RSPO3: variants seen among roughly 807,000 people sequenced by gnomAD.
The protein encoded by RSPO3 is R-spondin-3.
A neutral mutation model predicts 36.5 loss-of-function variants in RSPO3; 17 were observed. The observed-to-expected ratio is 0.47, with a 90% confidence interval of 0.32 to 0.70. The LOEUF (loss-of-function observed/expected upper bound fraction) is 0.70, where lower values mean the gene tolerates loss of function less well. Among genes scored for constraint, RSPO3 ranks in the 30% least tolerant of loss-of-function variants. The pLI is 0.04. For synonymous variants in RSPO3, 108 were observed against 107.0 expected, an observed-to-expected ratio of 1.01 and a Z score of -0.06; for missense variants, 294 against 322.5, an observed-to-expected ratio of 0.91 and a Z score of 0.68.
At chr6:127,133,614 G>A (rs905828552) in intron 1 of RSPO3, among the ~76,000 whole-genome samples, 2 of 151,864 alleles carry the variant, frequency 1.3e-5, no homozygotes, top group Non-Finnish European at 2.9e-5. Context: ...ACCTTAGATA[G>A]TTGCCCGTCC....
rs139068318 is a variant in RSPO3, at chr6:127,155,869, G to C, written c.634+431G>C. On this transcript the variant is annotated intron_variant, in intron 4 of 4. Coordinates refer to ENST00000356698, the MANE Select transcript of RSPO3 (RefSeq NM_032784.5). Reference sequence around the variant, plus strand: ...TGAAATGTAGTGGTAAGCTTTTGTAGCTAAGTGTATATATATATATATACA... The same window carrying C: ...TGAAATGTAGTGGTAAGCTTTTGTACCTAAGTGTATATATATATATATACA... Among the ~76,000 whole-genome samples the C allele has an allele frequency of 5.9e-3, 773 of 131,764 alleles. 8 individuals carry two copies. Among genetic ancestry groups the C allele is most frequent in the African/African-American group, 0.022 (720 of 32,230 alleles). 86.4% of individuals were successfully genotyped at this position (131,764 alleles called of 152,430 possible). A position where few individuals can be genotyped will look rare whatever the true frequency, so the allele number is the denominator to read the frequency against.
chr6:127,155,129 A>G lies in RSPO3; in HGVS notation c.437-112A>G, dbSNP rs1774566726. ...GTCATCTTGCCCGACTTTGATCTGC[A>G]AGATTCTTCTCAAATGTGGGCAAGT... is the stretch of plus-strand genomic sequence containing the variant. On this transcript the variant is annotated intron_variant, in intron 3 of 4. Coordinates refer to ENST00000356698, the MANE Select transcript of RSPO3 (RefSeq NM_032784.5). 3 of 1,006,876 alleles carry G rather than the reference A, an allele frequency of 3.0e-6. No individual in the cohort carries two copies. In the Admixed American group the frequency reaches 5.8e-5, roughly 19 times the overall value. The allele number at this position is 1,006,876 out of a possible 1,614,324, so 62.4% of individuals were successfully genotyped here.
At chr6:127,131,121 T>C (rs902955573) in intron 1 of RSPO3, among the ~76,000 whole-genome samples, 1 of 152,172 alleles carries the variant, frequency 6.6e-6, no homozygotes, top group African/African-American at 2.4e-5. Context: ...TGGGATTTCC[T>C]TGGAGGCCAG....
chr6:127,146,432 C>T (rs1204275696), intron 1 of RSPO3, among the ~76,000 whole-genome samples: 1 of 152,102 alleles, frequency 6.6e-6, no homozygotes, highest in African/African-American at 2.4e-5. Flanking sequence ...GATACAGTTA[C>T]AATCATGAGA....
At chr6:127,155,743 G>A (rs1357282581) in intron 4 of RSPO3, among the ~76,000 whole-genome samples, 1 of 151,864 alleles carries the variant, frequency 6.6e-6, no homozygotes, top group Non-Finnish European at 1.5e-5. Context: ...AAAACTTTTG[G>A]GAAGTCTCAT....
At chr6:127,146,155 A>G (rs1014302329) in intron 1 of RSPO3, among the ~76,000 whole-genome samples, 3 of 152,178 alleles carry the variant, frequency 2.0e-5, no homozygotes, top group Admixed American at 6.5e-5. Flanking sequence ...AAGGTTTGCC[A>G]TCATTTGATA....
At chr6:127,166,344 C>T (rs556136096) in intron 4 of RSPO3, among the ~76,000 whole-genome samples, 24 of 152,032 alleles carry the variant, frequency 1.6e-4, no homozygotes, top group African/African-American at 5.8e-4. Context: ...TAACAAAAAT[C>T]TCTATCATGT....
intron 1 of RSPO3, among the ~76,000 whole-genome samples, chr6:127,126,045 A>C (rs1358204804): frequency 2.0e-5 from 3 of 152,180 alleles, no homozygotes; most frequent in African/African-American, 7.2e-5. Context: ...TGCATATGAA[A>C]GGGAAAGAGA....
chr6:127,148,080 T>C (rs1009788717), intron 1 of RSPO3, among the ~76,000 whole-genome samples: 4 of 152,128 alleles, frequency 2.6e-5, no homozygotes, highest in African/African-American at 7.2e-5. Flanking sequence ...AAAAGTAAAA[T>C]TGTGTTCTCT....
intron 1 of RSPO3, among the ~76,000 whole-genome samples, chr6:127,139,369 A>C (rs2114563925): frequency 6.6e-6 from 1 of 152,264 alleles, no homozygotes; most frequent in South Asian, 2.1e-4. Flanking sequence ...CAAATATCCA[A>C]GTTTATTCAC....
intron 4 of RSPO3, among the ~76,000 whole-genome samples, chr6:127,157,645 G>C (rs897643068): frequency 6.6e-6 from 1 of 152,066 alleles, no homozygotes; most frequent in African/African-American, 2.4e-5. Context: ...GAAAATGTAG[G>C]TGTTTTATTT....
In RSPO3 at chr6:127,148,964, C is replaced by T. The variant is rs1296005349; in HGVS notation, c.289+125C>T. On this transcript the variant is annotated intron_variant, in intron 2 of 4. Transcript: ENST00000356698. ...TGATAATGTTTATCTGATAATTAGG[C>T]TAAACCATACTTGGACTTAACCCTC... The T allele has an allele frequency of 5.2e-6, 4 of 769,220 alleles. No individual in the cohort carries two copies. In the East Asian group the frequency reaches 8.3e-5, roughly 16 times the overall value. The allele number at this position is 769,220 out of a possible 1,614,324, so 47.6% of individuals were successfully genotyped here.
In RSPO3 at chr6:127,148,666, A is replaced by G; in HGVS notation, c.116A>G (p.Gln39Arg). ...TCCACAGTGCATCCTAACGTTAGTC[A>G]AGGCTGCCAAGGAGGCTGTGCAACA... ...RQRRMHPNVS[Q>R]GCQGGCATCS... is the part of the protein sequence containing the mutation. The change falls in exon 2 of 5, where the codon CAA becomes CGA. Residue 39 changes from glutamine to arginine, a missense_variant. Transcript: ENST00000356698. 6.2e-7 allele frequency: 1 copy of G among 1,612,328 alleles called. No individual in the cohort carries two copies. Among genetic ancestry groups the G allele is most frequent in the Non-Finnish European group, 8.5e-7 (1 of 1,178,930 alleles).
chr6:127,168,382 G>A (rs1402909753), intron 4 of RSPO3, among the ~76,000 whole-genome samples: 1 of 134,866 alleles, frequency 7.4e-6, no homozygotes, highest in Non-Finnish European at 1.7e-5. Flanking sequence ...TCATGTGTCT[G>A]TTGGCGCATA....
chr6:127,132,298 T>G (rs1562240784), intron 1 of RSPO3, among the ~76,000 whole-genome samples: 1 of 152,144 alleles, frequency 6.6e-6, no homozygotes, highest in Non-Finnish European at 1.5e-5. Context: ...GATGCAAAGA[T>G]TCTGATACTG....
intron 4 of RSPO3, among the ~76,000 whole-genome samples, chr6:127,170,561 ATAGTTT>A (rs1774915627): frequency 6.6e-6 from 1 of 151,766 alleles, no homozygotes. Flanking sequence ...TCTCAAAGAG[ATAGTTT>A]TACACCCATG....
At chr6:127,182,827 A>C (rs1775215852) in intron 4 of RSPO3, among the ~76,000 whole-genome samples, 1 of 151,996 alleles carries the variant, frequency 6.6e-6, no homozygotes, top group Admixed American at 6.6e-5. Context: ...AAGAGGATAC[A>C]AAAGCCCCAA....
chr6:127,164,139 C>T (rs1404368595), intron 4 of RSPO3, among the ~76,000 whole-genome samples: 1 of 152,070 alleles, frequency 6.6e-6, no homozygotes, highest in African/African-American at 2.4e-5. Context: ...CATCCAATCT[C>T]ACGAAAGGAT....
At chr6:127,173,422 C>T (rs1271830652) in intron 4 of RSPO3, among the ~76,000 whole-genome samples, 1 of 151,826 alleles carries the variant, frequency 6.6e-6, no homozygotes, top group African/African-American at 2.4e-5. Flanking sequence ...GCAATTTTCA[C>T]AGGATTATGC....
Sources: gnomAD v4.1 joint callset for allele counts (sites outside exome capture counted in the v4.1 genomes callset) on GRCh38, gnomAD v4.1.1 for gene constraint, MANE v1.5 for transcripts, NCBI Gene and HGNC (gene_info 2026-07-23, HGNC 2026-07-21) for gene names.